The following CDK14 variants were observed in gnomAD, a reference collection of about 807,000 sequenced individuals.
CDK14 encodes the protein cyclin dependent kinase 14.
CDK14 carries 34 observed loss-of-function variants against 60.7 expected under a neutral mutation model. That is an observed-to-expected ratio of 0.56 (90% confidence interval 0.43 to 0.75). CDK14 has a LOEUF of 0.75. Ranked by LOEUF, CDK14 falls within the 30% of genes least tolerant of loss-of-function variation. CDK14 has a pLI of 0.00. For missense variants in CDK14, 482 were observed against 564.1 expected, an observed-to-expected ratio of 0.85 and a Z score of 1.47; for synonymous variants, 197 against 203.7, an observed-to-expected ratio of 0.97 and a Z score of 0.28.
At chr7:90,762,189 C>T (rs1343453098) in intron 4 of CDK14, among the ~76,000 whole-genome samples, 2 of 152,102 alleles carry the variant, frequency 1.3e-5, no homozygotes, top group South Asian at 2.1e-4. Context: ...AGAGCAGGCA[C>T]AAGAGTGTTT....
At chr7:90,833,149 T>C (rs1562791084) in intron 5 of CDK14, among the ~76,000 whole-genome samples, 2 of 152,210 alleles carry the variant, frequency 1.3e-5, no homozygotes, top group Admixed American at 6.5e-5. Flanking sequence ...CTCATTTTGT[T>C]TTAAATCTCA....
At chr7:90,599,243 C>T (rs1290589719) in intron 1 of CDK14, among the ~76,000 whole-genome samples, 1 of 152,190 alleles carries the variant, frequency 6.6e-6, no homozygotes, top group Non-Finnish European at 1.5e-5. Flanking sequence ...AATAAAGACT[C>T]AGTAAACGTT....
intron 12 of CDK14, among the ~76,000 whole-genome samples, chr7:91,094,595 C>G (rs980195272): frequency 3.3e-5 from 5 of 152,060 alleles, no homozygotes; most frequent in Non-Finnish European, 5.9e-5. Context: ...ATTTTATTTT[C>G]CTGTCTTCAG....
chr7:90,626,285 G>A (rs1426302150), intron 2 of CDK14, among the ~76,000 whole-genome samples: 1 of 152,126 alleles, frequency 6.6e-6, no homozygotes, highest in African/African-American at 2.4e-5. Flanking sequence ...GTTTTTATCA[G>A]TTCCTCCCCC....
intron 14 of CDK14, among the ~76,000 whole-genome samples, chr7:91,122,302 ACT>A (rs1799802450): frequency 6.6e-6 from 1 of 152,116 alleles, no homozygotes; most frequent in South Asian, 2.1e-4. Context: ...AATGTGTCGG[ACT>A]CTCTACTTGG....
At chr7:90,757,887 G>T (rs1298397179) in intron 4 of CDK14, among the ~76,000 whole-genome samples, 5 of 152,200 alleles carry the variant, frequency 3.3e-5, no homozygotes, top group African/African-American at 1.2e-4. Flanking sequence ...ACAGACATGA[G>T]CAACCATGCC....
intron 2 of CDK14, among the ~76,000 whole-genome samples, chr7:90,703,857 G>A (rs1801840777): frequency 6.6e-6 from 1 of 152,198 alleles, no homozygotes; most frequent in South Asian, 2.1e-4. Context: ...AGGCCAAGGA[G>A]GGTGGATCAC....
At chr7:91,104,118 ATG>A (rs1468141516) in intron 12 of CDK14, among the ~76,000 whole-genome samples, 2 of 152,122 alleles carry the variant, frequency 1.3e-5, no homozygotes. Flanking sequence ...TTTTTACAAA[ATG>A]AATGTAGAAT....
intron 14 of CDK14, among the ~76,000 whole-genome samples, chr7:91,169,104 T>C (rs1801435926): frequency 6.6e-6 from 1 of 152,252 alleles, no homozygotes; most frequent in African/African-American, 2.4e-5. Context: ...GAATTCAGTG[T>C]TCAGCTATGG....
chr7:90,618,280 A>G (rs1229247783), intron 2 of CDK14, among the ~76,000 whole-genome samples: 2 of 152,128 alleles, frequency 1.3e-5, no homozygotes, highest in Admixed American at 6.5e-5. Flanking sequence ...ATTCTTTTTT[A>G]TTGGTAGAGT....
At chr7:91,127,835 G>C (rs897069978) in intron 14 of CDK14, among the ~76,000 whole-genome samples, 2 of 152,058 alleles carry the variant, frequency 1.3e-5, no homozygotes, top group Non-Finnish European at 2.9e-5. Context: ...TTTATAAAAA[G>C]AGAACACAGT....
At chr7:90,853,280 A>G (rs1790709753) in intron 5 of CDK14, among the ~76,000 whole-genome samples, 1 of 152,110 alleles carries the variant, frequency 6.6e-6, no homozygotes, top group Admixed American at 6.6e-5. Flanking sequence ...ACGGGAAAAA[A>G]CTGCACACAT....
chr7:90,863,214 T>C lies in CDK14; in HGVS notation c.584T>C (p.Leu195Pro). The change falls in exon 6 of 15, where the codon CTA becomes CCA. Residue 195 changes from leucine to proline, a missense_variant. Transcript: ENST00000380050. ...LKGLKHANIVLLHDIIHTKET... is the reference protein window; with the variant it reads ...LKGLKHANIVPLHDIIHTKET... ...GGACTAAAACATGCTAACATAGTGCTACTTCATGACATCATCCATACCAAG... is the reference window on the plus strand; with the variant it reads ...GGACTAAAACATGCTAACATAGTGCCACTTCATGACATCATCCATACCAAG... The C allele has an allele frequency of 6.2e-7, 1 of 1,610,584 alleles. No individual in the cohort carries two copies.
At chr7:90,659,648 G>C (rs1344924711) in intron 2 of CDK14, among the ~76,000 whole-genome samples, 1 of 152,116 alleles carries the variant, frequency 6.6e-6, no homozygotes, top group Admixed American at 6.6e-5. Context: ...GTATAAAAAT[G>C]TCCATTCTTT....
In CDK14 at chr7:90,656,674, C is replaced by T. The variant is rs184855440; in HGVS notation, c.123+52425C>T. Among the ~76,000 whole-genome samples the T allele has an allele frequency of 9.3e-4, 142 of 152,208 alleles. 1 individual carries two copies. The highest frequency in any genetic ancestry group is 2.8e-3 in the African/African-American group (116 of 41,536). On this transcript the variant is annotated intron_variant, in intron 2 of 14. Coordinates refer to ENST00000380050, the MANE Select transcript of CDK14 (RefSeq NM_001287135.2). The stretch of plus-strand genomic sequence containing the variant: ...ATTACAGGCGTGAGCCACCGCGCCC[C>T]GCCTTCTCCTTTTTTCTGAAGACTG...
At chr7:91,033,005 A>G (rs938574328) in intron 10 of CDK14, among the ~76,000 whole-genome samples, 2 of 152,250 alleles carry the variant, frequency 1.3e-5, no homozygotes, top group African/African-American at 2.4e-5. Context: ...AAGGTTGACA[A>G]TCAGCACACA....
intron 2 of CDK14, among the ~76,000 whole-genome samples, chr7:90,695,034 T>G (rs1009644293): frequency 2.0e-5 from 3 of 152,194 alleles, no homozygotes; most frequent in African/African-American, 7.2e-5. Flanking sequence ...TGATTGCTGT[T>G]TCCCTGCTTA....
intron 12 of CDK14, among the ~76,000 whole-genome samples, chr7:91,092,962 A>G (rs921133305): frequency 6.6e-6 from 1 of 152,226 alleles, no homozygotes; most frequent in Non-Finnish European, 1.5e-5. Context: ...TTTCATATTT[A>G]TTGCATACAT....
At chr7:90,680,416 A>C (rs1205703317) in intron 2 of CDK14, among the ~76,000 whole-genome samples, 3 of 152,212 alleles carry the variant, frequency 2.0e-5, no homozygotes, top group African/African-American at 7.2e-5. Flanking sequence ...TCATAACACA[A>C]TTTGAATAGA....
Sources: allele counts gnomAD v4.1 joint callset (sites outside exome capture counted in the v4.1 genomes callset), GRCh38; gene constraint gnomAD v4.1.1; transcripts MANE v1.5; gene names NCBI Gene and HGNC (gene_info 2026-07-23, HGNC 2026-07-21).